The following RBM27 variants were observed in gnomAD, a reference collection of about 807,000 sequenced individuals.
RBM27 encodes RNA binding motif protein 27.
A neutral mutation model predicts 135.3 loss-of-function variants in RBM27; 22 were observed. That is an observed-to-expected ratio of 0.16 (90% CI 0.12 to 0.23). The LOEUF (loss-of-function observed/expected upper bound fraction) is 0.23, where lower values mean the gene tolerates loss of function less well. Among genes scored for constraint, RBM27 ranks in the 10% least tolerant of loss-of-function variants. RBM27 has a pLI of 1.00. For missense variants in RBM27, 1,009 were observed against 1,281.0 expected (o/e 0.79, Z 3.24); for synonymous variants, 481 against 442.4 (o/e 1.09, Z -1.10).
At chr5:146,272,470 C>A (rs1758910968) in intron 19 of RBM27, among the ~76,000 whole-genome samples, 1 of 152,148 alleles carries the variant, frequency 6.6e-6, no homozygotes, top group Non-Finnish European at 1.5e-5. Context: ...GTAATCCCAG[C>A]ACTCTGGGAG....
chr5:146,243,957 AAT>A (rs1418718860), intron 8 of RBM27, among the ~76,000 whole-genome samples: 1 of 152,168 alleles, frequency 6.6e-6, no homozygotes, highest in African/African-American at 2.4e-5. Context: ...AGAATCTAAA[AAT>A]CTAATAGTGG....
At chr5:146,224,850 T>C (rs1031690201) in intron 3 of RBM27, among the ~76,000 whole-genome samples, 1 of 152,070 alleles carries the variant, frequency 6.6e-6, no homozygotes, top group African/African-American at 2.4e-5. Flanking sequence ...GGTCTAGATA[T>C]ACTTACTGAA....
Position 146,230,882 on chromosome 5 carries a change from A to C in RBM27, c.815A>C (p.Asn272Thr). The part of the protein sequence containing the change: ...NHSSSNSFGR[N>T]LPPKRRCRDY... ...AGCTCTTCCAATTCTTTTGGTCGAAACCTACCACCAAAGAGGCGATGCAGA... is the reference window on the plus strand; with the variant it reads ...AGCTCTTCCAATTCTTTTGGTCGAACCCTACCACCAAAGAGGCGATGCAGA... Residue 272 changes from asparagine (N) to threonine (T), a missense_variant, in exon 6 of 21, where the codon AAC becomes ACC. Physicochemically the swap from Asn to Thr is moderately conservative, Grantham distance 65. Coordinates refer to ENST00000265271, the MANE Select transcript of RBM27 (RefSeq NM_018989.2). 1.2e-6 allele frequency: 2 copies of C among 1,614,178 alleles called. No individual in the cohort carries two copies. Among genetic ancestry groups the C allele is most frequent in the Non-Finnish European group, 1.7e-6 (2 of 1,180,030 alleles).
intron 19 of RBM27, among the ~76,000 whole-genome samples, chr5:146,279,839 A>C (rs537294244): frequency 3.3e-5 from 5 of 152,156 alleles, no homozygotes; most frequent in South Asian, 2.1e-4. Flanking sequence ...ATGACTAATA[A>C]AAGTAAAATC....
intron 6 of RBM27, among the ~76,000 whole-genome samples, chr5:146,231,681 A>C (rs2126755031): frequency 6.6e-6 from 1 of 152,120 alleles, no homozygotes; most frequent in South Asian, 2.1e-4. Context: ...GCAGTGGCAC[A>C]ATCTCGGCTC....
intron 1 of RBM27, among the ~76,000 whole-genome samples, chr5:146,216,059 TTTTTA>T (rs1756179452): frequency 6.6e-6 from 1 of 152,120 alleles, no homozygotes; most frequent in African/African-American, 2.4e-5. Context: ...GCATGTGTAA[TTTTTA>T]TTTTATTTTA....
At chr5:146,261,897 G>GACCCA in intron 13 of RBM27, 91 bp downstream of exon 13, 3 of 1,323,818 alleles carry the variant, frequency 2.3e-6, no homozygotes, top group South Asian at 1.4e-5. Flanking sequence ...TTCTACAGAA[G>GACCCA]AGCTACTCTT....
At chr5:146,231,366 G>A (rs997364206) in intron 6 of RBM27, among the ~76,000 whole-genome samples, 1 of 151,836 alleles carries the variant, frequency 6.6e-6, no homozygotes, top group African/African-American at 2.4e-5. Flanking sequence ...CGGCCTCCCA[G>A]TGTGCTGGGA....
chr5:146,227,759 T>TA (rs1756741681), intron 3 of RBM27, among the ~76,000 whole-genome samples: 1 of 151,998 alleles, frequency 6.6e-6, no homozygotes, highest in Non-Finnish European at 1.5e-5. Context: ...AAGAATAAAA[T>TA]AAAAAAATAA....
At chr5:146,217,449 CTT>C (rs1409664727) in intron 1 of RBM27, among the ~76,000 whole-genome samples, 2 of 139,158 alleles carry the variant, frequency 1.4e-5, no homozygotes, top group Admixed American at 7.4e-5. Flanking sequence ...GATTGATACT[CTT>C]GAGCTGAAGC....
At chr5:146,267,853 C>T in intron 15 of RBM27, 85 bp downstream of exon 15, 1 of 1,383,488 alleles carries the variant, frequency 7.2e-7, no homozygotes, top group South Asian at 1.3e-5. Context: ...TAAATCAGTT[C>T]ATGTTGGCAG....
At chr5:146,274,016 C>CTT (rs1695745730) in intron 19 of RBM27, among the ~76,000 whole-genome samples, 1 of 152,138 alleles carries the variant, frequency 6.6e-6, no homozygotes. Context: ...CGGAGTTTTG[C>CTT]TCTCGTCGCC....
intron 8 of RBM27, among the ~76,000 whole-genome samples, chr5:146,248,349 C>G (rs1047294444): frequency 1.3e-5 from 2 of 151,666 alleles, no homozygotes; most frequent in Non-Finnish European, 2.9e-5. Context: ...TCTGCCCTGA[C>G]CTAGAATTAG....
chr5:146,266,585 C>T (rs756995178), intron 14 of RBM27, among the ~76,000 whole-genome samples: 35 of 152,172 alleles, frequency 2.3e-4, no homozygotes, highest in Non-Finnish European at 3.8e-4. Context: ...ATTGAATTTT[C>T]CATGGATTTC....
chr5:146,241,317 A>G (rs1424700713), intron 8 of RBM27, among the ~76,000 whole-genome samples: 1 of 152,208 alleles, frequency 6.6e-6, no homozygotes, highest in African/African-American at 2.4e-5. Context: ...TAATTTGGCA[A>G]ATATTTATTG....
intron 19 of RBM27, among the ~76,000 whole-genome samples, chr5:146,281,135 G>T (rs143545788): frequency 1.3e-5 from 2 of 152,138 alleles, no homozygotes; most frequent in African/African-American, 4.8e-5. Flanking sequence ...GAGCCCCTGC[G>T]CCCAGCCTTT....
At chr5:146,257,840 G>A (rs986792786) in intron 10 of RBM27, among the ~76,000 whole-genome samples, 16 of 150,422 alleles carry the variant, frequency 1.1e-4, no homozygotes, top group African/African-American at 3.4e-4. Context: ...TTATGAGACC[G>A]AATTTCACTC....
In RBM27 at chr5:146,233,433, T is replaced by C. The variant is rs750095332; in HGVS notation, c.851-17T>C. The C allele has an allele frequency of 6.6e-7, 1 of 1,510,938 alleles. No homozygotes were observed. The highest frequency in any genetic ancestry group is 1.3e-5 in the South Asian group (1 of 74,818). The allele number at this position is 1,510,938 out of a possible 1,614,324, so 93.6% of individuals were successfully genotyped here. A position where few individuals can be genotyped will look rare whatever the true frequency, so the allele number is the denominator to read the frequency against. On this transcript the variant is annotated splice_polypyrimidine_tract_variant and intron_variant, in intron 6 of 20. Transcript: ENST00000265271. ...GTAGATGATAATAAGATTCTTTTTT[T>C]ATTCTTTATTCCACAGAAAGAGGAT...
rs568921939 is a variant in RBM27 at position 146,217,939 on chromosome 5, A to G, written c.60-1046A>G. Reference sequence around the variant, plus strand: ...CACCTGGCTAATTTTTGTATTTTCTATAGCAACAGAGTTTTGCCATTTTGC... The same window carrying G: ...CACCTGGCTAATTTTTGTATTTTCTGTAGCAACAGAGTTTTGCCATTTTGC... On this transcript the variant is annotated intron_variant, in intron 1 of 20. Coordinates refer to ENST00000265271, the MANE Select transcript of RBM27 (RefSeq NM_018989.2). Among the ~76,000 whole-genome samples the G allele has an allele frequency of 9.2e-5, 14 of 151,502 alleles. 1 individual carries two copies. In the East Asian group the frequency reaches 1.8e-3, roughly 19 times the overall value.
Sources: allele counts gnomAD v4.1 joint callset (sites outside exome capture counted in the v4.1 genomes callset), GRCh38; gene constraint gnomAD v4.1.1; transcripts MANE v1.5; gene names NCBI Gene and HGNC (gene_info 2026-07-23, HGNC 2026-07-21).